AFF4: variants seen among roughly 807,000 people sequenced by gnomAD.
AFF4 encodes ALF transcription elongation factor 4, also known as AF4/FMR2 family member 4.
A neutral mutation model predicts 124.8 loss-of-function variants in AFF4; 13 were observed. The ratio of observed to expected loss-of-function variants is 0.10; its 90% CI spans 0.07 to 0.17. AFF4 has a LOEUF of 0.17. AFF4 is among the 10% of genes least tolerant of loss of function. The pLI is 1.00. For missense variants in AFF4, 1,092 were observed against 1,403.8 expected, an observed-to-expected ratio of 0.78 and a Z score of 3.55; for synonymous variants, 477 against 496.1, an observed-to-expected ratio of 0.96 and a Z score of 0.51.
At chr5:132,882,737 C>T (rs2150062984) in intron 20 of AFF4, among the ~76,000 whole-genome samples, 1 of 151,910 alleles carries the variant, frequency 6.6e-6, no homozygotes, top group East Asian at 1.9e-4. Flanking sequence ...CACCTGTAAT[C>T]CCAGCTACTC....
intron 5 of AFF4, among the ~76,000 whole-genome samples, chr5:132,912,791 G>C (rs1760822538): frequency 1.3e-5 from 2 of 151,914 alleles, no homozygotes; most frequent in Admixed American, 1.3e-4. Flanking sequence ...AATGACAATA[G>C]GGTCTTATAC....
chr5:132,921,214 C>G (rs1561495788), intron 5 of AFF4, among the ~76,000 whole-genome samples: 1 of 151,704 alleles, frequency 6.6e-6, no homozygotes, highest in Non-Finnish European at 1.5e-5. Flanking sequence ...TATTCAGACA[C>G]TGCACCAAAG....
intron 1 of AFF4, among the ~76,000 whole-genome samples, chr5:132,955,825 CACA>C (rs1319825711): frequency 2.2e-5 from 3 of 138,516 alleles, no homozygotes; most frequent in Non-Finnish European, 4.6e-5. Context: ...CACACACACA[CACA>C]AAATATATAC....
intron 19 of AFF4, 21 bp downstream of exon 19, chr5:132,885,055 A>G (rs1352227139): frequency 7.0e-6 from 11 of 1,566,840 alleles, no homozygotes; most frequent in Non-Finnish European, 9.6e-6. Flanking sequence ...ATAATATTTT[A>G]CATAATAAAA....
chr5:132,922,968 A>C (rs1203405120), intron 5 of AFF4, among the ~76,000 whole-genome samples: 1 of 151,828 alleles, frequency 6.6e-6, no homozygotes, highest in Admixed American at 6.6e-5. Flanking sequence ...GGAGGTAAGG[A>C]GATTGAGACC....
At chr5:132,896,238 C>G (rs767802787) in intron 11 of AFF4, 85 bp downstream of exon 11, 383 of 1,472,374 alleles carry the variant, frequency 2.6e-4, no homozygotes, top group African/African-American at 7.5e-4. Context: ...TTATGACCCA[C>G]CTTGTTACTT....
intron 10 of AFF4, among the ~76,000 whole-genome samples, chr5:132,897,499 C>T (rs1760438101): frequency 6.6e-6 from 1 of 152,128 alleles, no homozygotes; most frequent in Non-Finnish European, 1.5e-5. Flanking sequence ...ATCATGAGAT[C>T]AGGAGTTTGA....
At chr5:132,958,170 T>A (rs952876660) in intron 1 of AFF4, among the ~76,000 whole-genome samples, 3 of 152,118 alleles carry the variant, frequency 2.0e-5, no homozygotes, top group African/African-American at 7.2e-5. Context: ...ACAGTCCTTC[T>A]TTTACTAGTG....
At chr5:132,956,556 T>C (rs551721105) in intron 1 of AFF4, among the ~76,000 whole-genome samples, 36 of 147,550 alleles carry the variant, frequency 2.4e-4, no homozygotes, top group Non-Finnish European at 5.1e-4. Flanking sequence ...CACTTGAACC[T>C]GGGAGGCAGA....
chr5:132,960,516 C>T (rs1762058465), intron 1 of AFF4, among the ~76,000 whole-genome samples: 1 of 152,118 alleles, frequency 6.6e-6, no homozygotes, highest in African/African-American at 2.4e-5. Context: ...TTTATTTGTT[C>T]CTCTCAGGTA....
intron 5 of AFF4, among the ~76,000 whole-genome samples, chr5:132,922,136 G>A (rs569361064): frequency 6.6e-6 from 1 of 152,252 alleles, no homozygotes; most frequent in East Asian, 1.9e-4. Flanking sequence ...CATAAAAACA[G>A]GCCAGATGTA....
In AFF4 at chr5:132,963,416, G is replaced by A. The variant is rs1292587044; in HGVS notation, c.-162C>T. On this transcript the variant is annotated 5_prime_UTR_variant, in exon 1 of 21. Coordinates refer to ENST00000265343, the MANE Select transcript of AFF4 (RefSeq NM_014423.4). ...CCGGGAGGCGGCGGGGGTTCCGGAG[G>A]CCTCGACAAACGAAGGCGGCGTCGG... The A allele has an allele frequency of 5.0e-6, 2 of 398,192 alleles. No homozygotes were observed. The highest frequency in any genetic ancestry group is 2.1e-5 in the African/African-American group (1 of 48,676). The allele number at this position is 398,192 out of a possible 1,614,324, so 24.7% of individuals were successfully genotyped here.
At chr5:132,891,944 A>G (rs1395820505) in intron 13 of AFF4, 1 of 673,316 alleles carries the variant, frequency 1.5e-6, no homozygotes, top group Non-Finnish European at 2.5e-6. Context: ...ACTGTACCCA[A>G]GGGTTTTTCT....
intron 5 of AFF4, among the ~76,000 whole-genome samples, chr5:132,921,532 G>A (rs554545247): frequency 1.4e-5 from 2 of 146,498 alleles, no homozygotes; most frequent in African/African-American, 2.5e-5. Context: ...GCAATGACAC[G>A]ATCTCGGCTC....
intron 1 of AFF4, among the ~76,000 whole-genome samples, chr5:132,961,502 G>A (rs1484416912): frequency 3.3e-5 from 5 of 152,104 alleles, no homozygotes; most frequent in African/African-American, 1.2e-4. Context: ...TAGGATTACA[G>A]GCGTGAACCA....
At chr5:132,912,129 G>T (rs1760804449) in intron 5 of AFF4, among the ~76,000 whole-genome samples, 1 of 143,384 alleles carries the variant, frequency 7.0e-6, no homozygotes, top group Admixed American at 7.3e-5. Context: ...GAGGTTGGCG[G>T]ATCACCTGAC....
chr5:132,939,494 C>CAA (rs1393559757), intron 1 of AFF4, among the ~76,000 whole-genome samples: 2 of 152,228 alleles, frequency 1.3e-5, no homozygotes, highest in Admixed American at 6.5e-5. Context: ...AACCAGGCTT[C>CAA]AAATAGGCCT....
chr5:132,908,779 T>A (rs903024950), intron 5 of AFF4, among the ~76,000 whole-genome samples: 31 of 145,802 alleles, frequency 2.1e-4, no homozygotes, highest in African/African-American at 7.5e-4. Context: ...TATATATATT[T>A]TTTTTTTTTG....
At chr5:132,900,577 C>CA (rs1014006219) in intron 7 of AFF4, among the ~76,000 whole-genome samples, 20 of 151,534 alleles carry the variant, frequency 1.3e-4, no homozygotes, top group African/African-American at 4.4e-4. Context: ...CAAAACAAAA[C>CA]AAAAAAAACT....
Sources: allele counts gnomAD v4.1 joint callset (sites outside exome capture counted in the v4.1 genomes callset), GRCh38; gene constraint gnomAD v4.1.1; transcripts MANE v1.5; gene names NCBI Gene and HGNC (gene_info 2026-07-23, HGNC 2026-07-21).